Variants in CTNNA3 observed in about 807,000 individuals in gnomAD.
The protein encoded by CTNNA3 is catenin alpha 3, also known as catenin alpha-3.
A neutral mutation model predicts 95.7 loss-of-function variants in CTNNA3; 76 were observed. The ratio of observed to expected loss-of-function variants is 0.79; its 90% CI spans 0.66 to 0.96. The LOEUF is 0.96. Among genes scored for constraint, CTNNA3 ranks in the 40% least tolerant of loss-of-function variants. The probability of loss-of-function intolerance (pLI) is 0.00; values close to 1 mark genes in which losing one functional copy is unlikely to be tolerated. For missense variants in CTNNA3, 1,191 were observed against 1,089.8 expected (o/e 1.09, Z -1.31); for synonymous variants, 431 against 374.4 (o/e 1.15, Z -1.74).
intron 13 of CTNNA3, among the ~76,000 whole-genome samples, chr10:66,223,009 T>G (rs1042780850): frequency 6.6e-6 from 1 of 152,010 alleles, no homozygotes; most frequent in South Asian, 2.1e-4. Flanking sequence ...GATATTTGGG[T>G]TTCAAAGTTC....
At chr10:66,008,265 T>A (rs2078936656) in intron 15 of CTNNA3, among the ~76,000 whole-genome samples, 1 of 152,216 alleles carries the variant, frequency 6.6e-6, no homozygotes, top group Non-Finnish European at 1.5e-5. Flanking sequence ...ATAATTCAAA[T>A]CCTTTGCAGC....
chr10:66,655,331 A>G (rs1261787860), intron 9 of CTNNA3, among the ~76,000 whole-genome samples: 1 of 152,114 alleles, frequency 6.6e-6, no homozygotes, highest in Non-Finnish European at 1.5e-5. Flanking sequence ...TAACATATAT[A>G]CAATCTAGTA....
intron 13 of CTNNA3, among the ~76,000 whole-genome samples, chr10:66,222,620 GA>G (rs72025421): frequency 6.0e-5 from 3 of 50,396 alleles, no homozygotes; most frequent in East Asian, 8.6e-4. Flanking sequence ...AAGAAAGAAA[GA>G]AAAAGAAAGA....
In CTNNA3 at chr10:66,436,113, A is replaced by G. The variant is rs2093335802; in HGVS notation, c.1532-56761T>C. The stretch of plus-strand genomic sequence containing the variant: ...CTTTCAATTATGTGGTCAATTTTAG[A>G]ATAAGTATGATTTGGTGCTGAGAAG... On this transcript the variant is annotated intron_variant, in intron 11 of 17. Transcript: ENST00000433211. 2.6e-5 allele frequency among the ~76,000 whole-genome samples: 4 copies of G among 152,120 alleles called. No individual in the cohort carries two copies. In the South Asian group the frequency reaches 8.3e-4, roughly 32 times the overall value.
chr10:66,668,422 ATGTGTGTGTGTGTG>A (rs3055580), intron 9 of CTNNA3, among the ~76,000 whole-genome samples: 6 of 146,914 alleles, frequency 4.1e-5, no homozygotes, highest in South Asian at 2.2e-4. Flanking sequence ...CAACTCTCAT[ATGTGTGTGTGTGTG>A]TGTGTGTGTG....
intron 10 of CTNNA3, among the ~76,000 whole-genome samples, chr10:66,608,495 T>G (rs1362472774): frequency 6.6e-6 from 1 of 151,794 alleles, no homozygotes; most frequent in East Asian, 1.9e-4. Context: ...GCCAAGACAA[T>G]CCTATGTAAA....
chr10:67,740,551 TG>T (rs1564844139), intron 1 of CTNNA3, among the ~76,000 whole-genome samples: 1 of 151,192 alleles, frequency 6.6e-6, no homozygotes, highest in African/African-American at 2.4e-5. Flanking sequence ...AAAAAACATA[TG>T]AAAAAATGCT....
chr10:67,650,793 C>A lies in CTNNA3; in HGVS notation c.-5-3275G>T, dbSNP rs575191515. Among the ~76,000 whole-genome samples the A allele has an allele frequency of 3.9e-5, 6 of 152,240 alleles. No homozygotes were observed. The East Asian group carries it at 1.2e-3, about 29-fold the overall frequency. ...ACGTTGTGTTTTCATCGTGCCCTGG[C>A]AGCAAAGGAGAGGGATGATGGAAGA... On this transcript the variant is annotated intron_variant, in intron 1 of 17. Coordinates refer to ENST00000433211, the MANE Select transcript of CTNNA3 (RefSeq NM_013266.4).
In CTNNA3 at chr10:66,621,874, A is replaced by T. The variant is rs1487425697; in HGVS notation, c.1282-90T>A. 7 of 593,970 alleles carry T rather than the reference A, an allele frequency of 1.2e-5. No individual in the cohort carries two copies. The Admixed American group carries it at 1.8e-4, about 15-fold the overall frequency. 36.8% of individuals were successfully genotyped at this position (593,970 alleles called of 1,614,324 possible). On this transcript the variant is annotated intron_variant, in intron 9 of 17. Transcript: ENST00000433211. Reference sequence around the variant, plus strand: ...ACTGAACAAGAACATGTACACATTCATCAAGAATCTCAATGACAAATAACA... The same window carrying T: ...ACTGAACAAGAACATGTACACATTCTTCAAGAATCTCAATGACAAATAACA...
At chr10:66,773,074 T>C (rs541404129) in intron 8 of CTNNA3, among the ~76,000 whole-genome samples, 21 of 152,250 alleles carry the variant, frequency 1.4e-4, no homozygotes, top group African/African-American at 4.8e-4. Context: ...TAATTAACTG[T>C]GACTTCTACC....
At chr10:66,946,970 T>C (rs1441306527) in intron 7 of CTNNA3, among the ~76,000 whole-genome samples, 2 of 152,192 alleles carry the variant, frequency 1.3e-5, no homozygotes, top group East Asian at 3.9e-4. Flanking sequence ...TTTTAAAATC[T>C]ATTCATGTAC....
intron 3 of CTNNA3, among the ~76,000 whole-genome samples, chr10:67,562,324 G>T (rs966215857): frequency 6.6e-6 from 1 of 152,104 alleles, no homozygotes; most frequent in African/African-American, 2.4e-5. Flanking sequence ...GGGATGCAAG[G>T]CTGGTTCAAC....
intron 7 of CTNNA3, among the ~76,000 whole-genome samples, chr10:67,082,236 T>C (rs1417305971): frequency 3.3e-5 from 5 of 152,222 alleles, no homozygotes; most frequent in East Asian, 1.9e-4. Flanking sequence ...ATTTATTAAT[T>C]ATCAAATATA....
chr10:66,280,058 G>C (rs1293989973), intron 13 of CTNNA3, among the ~76,000 whole-genome samples: 1 of 151,696 alleles, frequency 6.6e-6, no homozygotes, highest in Non-Finnish European at 1.5e-5. Context: ...AGGATGAGAG[G>C]GTTTGGCCAT....
chr10:66,683,027 C>A (rs1311629690), intron 9 of CTNNA3, among the ~76,000 whole-genome samples: 1 of 152,124 alleles, frequency 6.6e-6, no homozygotes, highest in African/African-American at 2.4e-5. Flanking sequence ...ATGTTAGTGA[C>A]TGAGGACAAT....
chr10:66,928,860 A>G (rs918942409), intron 7 of CTNNA3, among the ~76,000 whole-genome samples: 1 of 152,210 alleles, frequency 6.6e-6, no homozygotes, highest in Non-Finnish European at 1.5e-5. Flanking sequence ...CAAATCAAGG[A>G]AAGAGGTGAA....
chr10:67,253,850 C>A (rs1866218022), intron 5 of CTNNA3, among the ~76,000 whole-genome samples: 1 of 152,108 alleles, frequency 6.6e-6, no homozygotes. Flanking sequence ...GAAGGTAATG[C>A]AATATGAGGG....
intron 7 of CTNNA3, among the ~76,000 whole-genome samples, chr10:66,787,661 A>G (rs1424373074): frequency 1.3e-5 from 2 of 152,126 alleles, no homozygotes; most frequent in African/African-American, 4.8e-5. Context: ...ACAAGCCACA[A>G]CTAACGCACA....
At chr10:67,174,936 A>C (rs1862169743) in intron 7 of CTNNA3, among the ~76,000 whole-genome samples, 1 of 152,138 alleles carries the variant, frequency 6.6e-6, no homozygotes. Flanking sequence ...GAAAAACATT[A>C]TCTCTAACCA....
Sources: gnomAD v4.1 joint callset for allele counts (sites outside exome capture counted in the v4.1 genomes callset) on GRCh38, gnomAD v4.1.1 for gene constraint, MANE v1.5 for transcripts, NCBI Gene and HGNC (gene_info 2026-07-23, HGNC 2026-07-21) for gene names.